Variants in RAB15 observed in about 807,000 individuals in gnomAD.
RAB15 encodes ras-related protein Rab-15.
A neutral mutation model predicts 31.8 loss-of-function variants in RAB15; 13 were observed. That is an observed-to-expected ratio of 0.41 (90% confidence interval 0.27 to 0.65). The LOEUF is 0.65. Ranked by LOEUF, RAB15 falls within the 30% of genes least tolerant of loss-of-function variation. The probability of loss-of-function intolerance (pLI) is 0.32; values close to 1 mark genes in which losing one functional copy is unlikely to be tolerated. For synonymous variants in RAB15, 100 were observed against 105.6 expected, an observed-to-expected ratio of 0.95 and a Z score of 0.33; for missense variants, 220 against 277.3, an observed-to-expected ratio of 0.79 and a Z score of 1.47.
Position 64,955,197 on chromosome 14 carries a change from C to A in RAB15, c.125-2626G>T, listed in dbSNP as rs1254744037. ...ATGCATTCACATATGATGGAAGAAA[C>A]AGAGTAAGTCTATGTCTTCTGAAGG... is the stretch of plus-strand genomic sequence containing the variant. On this transcript the variant is annotated intron_variant, in intron 1 of 6. Transcript: ENST00000533601. The surrounding 1 kb of genome is among the most constrained non-coding windows in gnomAD (Gnocchi z 4.4). Among the ~76,000 whole-genome samples, 1 of 152,168 alleles carries A rather than the reference C, an allele frequency of 6.6e-6. No individual in the cohort carries two copies. The highest frequency in any genetic ancestry group is 1.5e-5 in the Non-Finnish European group (1 of 68,032).
rs994704203 is a variant in RAB15 at position 64,953,598 on chromosome 14, G to A, written c.125-1027C>T. Among the ~76,000 whole-genome samples the A allele has an allele frequency of 6.6e-6, 1 of 152,176 alleles. No individual in the cohort carries two copies. Among genetic ancestry groups the A allele is most frequent in the South Asian group, 2.1e-4 (1 of 4,824 alleles). ...AAGGGATTTGGCAAATGCGTGCAGG[G>A]CAGAAACATATTGGAGAAATCTGCA... On this transcript the variant is annotated intron_variant, in intron 1 of 6. Coordinates refer to ENST00000533601, the MANE Select transcript of RAB15 (RefSeq NM_001308154.2). The surrounding 1 kb of genome is among the most constrained non-coding windows in gnomAD (Gnocchi z 4.6).
intron 1 of RAB15, among the ~76,000 whole-genome samples, chr14:64,966,530 A>T (rs1887148161): frequency 6.6e-6 from 1 of 150,574 alleles, no homozygotes; most frequent in East Asian, 2.0e-4. Flanking sequence ...CTCAAAAAAA[A>T]ATAAATAAAT....
intron 1 of RAB15, among the ~76,000 whole-genome samples, chr14:64,965,568 C>G (rs1018819724): frequency 6.6e-6 from 1 of 152,080 alleles, no homozygotes; most frequent in Non-Finnish European, 1.5e-5. Context: ...AGCTCACTGA[C>G]CAGAGAGAAG....
chr14:64,969,279 G>A (rs1384521119), intron 1 of RAB15, among the ~76,000 whole-genome samples: 1 of 152,156 alleles, frequency 6.6e-6, no homozygotes, highest in South Asian at 2.1e-4. Context: ...CTATGACTTG[G>A]TAGCACTCAT....
intron 1 of RAB15, among the ~76,000 whole-genome samples, chr14:64,959,700 G>GAAAACAA (rs372612117): frequency 6.6e-6 from 1 of 151,506 alleles, no homozygotes; most frequent in Non-Finnish European, 1.5e-5. Context: ...CCCATCTCTA[G>GAAAACAA]AAAACAAAAA....
intron 1 of RAB15, among the ~76,000 whole-genome samples, chr14:64,969,679 G>C (rs1325507038): frequency 2.0e-5 from 3 of 152,160 alleles, no homozygotes; most frequent in Admixed American, 6.5e-5. Context: ...TAGGTTTTAG[G>C]CCAATATACC....
In RAB15 at chr14:64,953,076, A is replaced by C. The variant is rs1478046043; in HGVS notation, c.125-505T>G. Among the ~76,000 whole-genome samples the C allele has an allele frequency of 6.6e-6, 1 of 152,162 alleles. No individual in the cohort carries two copies. The highest frequency in any genetic ancestry group is 1.5e-5 in the Non-Finnish European group (1 of 68,030). On this transcript the variant is annotated intron_variant, in intron 1 of 6. Coordinates refer to ENST00000533601, the MANE Select transcript of RAB15 (RefSeq NM_001308154.2). The surrounding 1 kb of genome is among the most constrained non-coding windows in gnomAD (Gnocchi z 4.6). ...AGAGAGAGGAGGGCTCTTCCAACCC[A>C]TGATTGTACCTGAAGCCTCAGCACC...
rs888083869 is a variant in RAB15, at chr14:64,955,273, G to T, written c.125-2702C>A. 6.6e-6 allele frequency among the ~76,000 whole-genome samples: 1 copy of T among 151,978 alleles called. No homozygotes were observed. The highest frequency in any genetic ancestry group is 2.4e-5 in the African/African-American group (1 of 41,344). On this transcript the variant is annotated intron_variant, in intron 1 of 6. Coordinates refer to ENST00000533601, the MANE Select transcript of RAB15 (RefSeq NM_001308154.2). The surrounding 1 kb of genome is among the most constrained non-coding windows in gnomAD (Gnocchi z 4.4). ...CACAACCTCTCTTAAATTTAAAAAA[G>T]GTTAACAGCCCAAGGATCTTCAAGA...
chr14:64,948,562 G>T lies in RAB15; in HGVS notation c.481-50C>A. ...GTCCAGTGTCTCCTCCTCTCCCCTG[G>T]CAACCCTGCAGCGGCCTGAGGGATA... On this transcript the variant is annotated intron_variant, in intron 6 of 6. Coordinates refer to ENST00000533601, the MANE Select transcript of RAB15 (RefSeq NM_001308154.2). This position sits in a 1 kb window ranked among gnomAD's most constrained non-coding sequence, Gnocchi z 7.0. The T allele has an allele frequency of 6.2e-7, 1 of 1,601,294 alleles. No individual in the cohort carries two copies. Among genetic ancestry groups the T allele is most frequent in the Non-Finnish European group, 8.5e-7 (1 of 1,172,836 alleles).
intron 1 of RAB15, among the ~76,000 whole-genome samples, chr14:64,956,410 C>CAAAA (rs551478593): frequency 1.4e-5 from 1 of 72,940 alleles, no homozygotes; most frequent in Non-Finnish European, 2.8e-5. Flanking sequence ...GACTTCATCT[C>CAAAA]AAAAAAAAAA....
rs550439263 is a variant in RAB15, at chr14:64,968,093, C to A, written c.124+3860G>T. Among the ~76,000 whole-genome samples, 1 of 152,174 alleles carries A rather than the reference C, an allele frequency of 6.6e-6. No individual in the cohort carries two copies. The highest frequency in any genetic ancestry group is 1.9e-4 in the East Asian group (1 of 5,200). On this transcript the variant is annotated intron_variant, in intron 1 of 6. Coordinates refer to ENST00000533601, the MANE Select transcript of RAB15 (RefSeq NM_001308154.2). This position sits in a 1 kb window ranked among gnomAD's most constrained non-coding sequence, Gnocchi z 4.9. ...ATTCATTCATTAATTTAACAACAGG[C>A]ATTGAATCTGCCTGGCCCTGTACTA...
Position 64,948,155 on chromosome 14 carries a change from G to A in RAB15, c.*199C>T. The A allele has an allele frequency of 1.8e-6, 1 of 546,496 alleles. No homozygotes were observed. Among genetic ancestry groups the A allele is most frequent in the Admixed American group, 3.7e-5 (1 of 27,290 alleles). The allele number at this position is 546,496 out of a possible 1,614,324, so 33.9% of individuals were successfully genotyped here. ...AACAGGCTGAAGAAGACCACTCCAG[G>A]GTGGACGGGCTGGGGACAGGGGCTG... On this transcript the variant is annotated 3_prime_UTR_variant, in exon 7 of 7. Transcript: ENST00000533601. This position sits in a 1 kb window ranked among gnomAD's most constrained non-coding sequence, Gnocchi z 7.0.
intron 1 of RAB15, among the ~76,000 whole-genome samples, chr14:64,964,307 A>C (rs1887006421): frequency 6.6e-6 from 1 of 151,944 alleles, no homozygotes; most frequent in Non-Finnish European, 1.5e-5. Context: ...GCGGATCACG[A>C]GGTCAGGAGA....
In RAB15 at chr14:64,950,281, C is replaced by T; in HGVS notation, c.414+44G>A. ...CACGCTCAGGACTGGCCCTGGAGGCCCAGCAGAGGACCTGGGGTGGACTTG... is the reference window on the plus strand; with the variant it reads ...CACGCTCAGGACTGGCCCTGGAGGCTCAGCAGAGGACCTGGGGTGGACTTG... On this transcript the variant is annotated intron_variant, in intron 5 of 6. Transcript: ENST00000533601. The surrounding 1 kb of genome is among the most constrained non-coding windows in gnomAD (Gnocchi z 5.6). 6.5e-7 allele frequency: 1 copy of T among 1,528,260 alleles called. No individual in the cohort carries two copies. The highest frequency in any genetic ancestry group is 1.1e-5 in the South Asian group (1 of 89,374). 94.7% of individuals were successfully genotyped at this position (1,528,260 alleles called of 1,614,324 possible).
rs955818557 is a variant in RAB15 at position 64,955,126 on chromosome 14, C to T, written c.125-2555G>A. Among the ~76,000 whole-genome samples, 4 of 152,176 alleles carry T rather than the reference C, an allele frequency of 2.6e-5. No individual in the cohort carries two copies. Among genetic ancestry groups the T allele is most frequent in the Non-Finnish European group, 5.9e-5 (4 of 68,026 alleles). On this transcript the variant is annotated intron_variant, in intron 1 of 6. Coordinates refer to ENST00000533601, the MANE Select transcript of RAB15 (RefSeq NM_001308154.2). The surrounding 1 kb of genome is among the most constrained non-coding windows in gnomAD (Gnocchi z 4.4). ...CCACCATCTTGCAACCTAGGTCTCA[C>T]TGGCCACCTGGGAACATGTGTTTTA...
Position 64,951,044 on chromosome 14 carries a change from A to G in RAB15, c.324+30T>C, listed in dbSNP as rs374799080. On this transcript the variant is annotated intron_variant, in intron 4 of 6. Coordinates refer to ENST00000533601, the MANE Select transcript of RAB15 (RefSeq NM_001308154.2). This position sits in a 1 kb window ranked among gnomAD's most constrained non-coding sequence, Gnocchi z 7.2. The stretch of plus-strand genomic sequence containing the variant: ...CCTTCCCCGGTGAGGCACCCTCTCC[A>G]CACCCCGGCAGTGAGGTGGCATCTC... 7 of 1,613,208 alleles carry G rather than the reference A, an allele frequency of 4.3e-6. No homozygotes were observed. The highest frequency in any genetic ancestry group is 5.1e-6 in the Non-Finnish European group (6 of 1,179,956).
chr14:64,966,898 C>G (rs138842580), intron 1 of RAB15, among the ~76,000 whole-genome samples: 38 of 152,286 alleles, frequency 2.5e-4, no homozygotes, highest in Non-Finnish European at 4.7e-4. Flanking sequence ...CCTCTCACAA[C>G]GTCACACTGC....
At position 64,953,234 on chromosome 14, in the gene RAB15, G is replaced by A. The variant is rs4902348; in HGVS notation, c.125-663C>T. Among the ~76,000 whole-genome samples the A allele has an allele frequency of 0.089, 13,524 of 152,218 alleles. 786 individuals are homozygous for A. Among genetic ancestry groups the A allele is most frequent in the Non-Finnish European group, 0.12 (8,367 of 68,002 alleles). On this transcript the variant is annotated intron_variant, in intron 1 of 6. Coordinates refer to ENST00000533601, the MANE Select transcript of RAB15 (RefSeq NM_001308154.2). This position sits in a 1 kb window ranked among gnomAD's most constrained non-coding sequence, Gnocchi z 4.6. ...AGGCCTGAGCTTATCTCCTCCCTCT[G>A]GCCACTCATAGCTCATTGCTATAAC...
At position 64,953,100 on chromosome 14, in the gene RAB15, C is replaced by T. The variant is rs1886350140; in HGVS notation, c.125-529G>A. 1.3e-5 allele frequency among the ~76,000 whole-genome samples: 2 copies of T among 152,154 alleles called. No homozygotes were observed. The highest frequency in any genetic ancestry group is 4.8e-5 in the African/African-American group (2 of 41,418). The stretch of plus-strand genomic sequence containing the variant: ...CATGATTGTACCTGAAGCCTCAGCA[C>T]CCAGCCAAGGCTCACCAAAAAGAAG... On this transcript the variant is annotated intron_variant, in intron 1 of 6. Coordinates refer to ENST00000533601, the MANE Select transcript of RAB15 (RefSeq NM_001308154.2). The surrounding 1 kb of genome is among the most constrained non-coding windows in gnomAD (Gnocchi z 4.6).
Sources: gnomAD v4.1 joint callset for allele counts (sites outside exome capture counted in the v4.1 genomes callset) on GRCh38, gnomAD v4.1.1 for gene constraint, Gnocchi (gnomAD v3.1) non-coding constraint, MANE v1.5 for transcripts, NCBI Gene and HGNC (gene_info 2026-07-23, HGNC 2026-07-21) for gene names.